Variants in AKAP6 observed in about 807,000 individuals in gnomAD.
AKAP6 encodes A-kinase anchoring protein 6.
In AKAP6, 58 loss-of-function variants were observed where a neutral mutation model predicts 188.5. The observed-to-expected ratio is 0.31, with a 90% CI of 0.25 to 0.38. The LOEUF (loss-of-function observed/expected upper bound fraction) is 0.38, where lower values mean the gene tolerates loss of function less well. AKAP6 is among the 10% of genes least tolerant of loss of function. The probability of loss-of-function intolerance (pLI) is 1.00; values close to 1 mark genes in which losing one functional copy is unlikely to be tolerated. For missense variants in AKAP6, 2,710 were observed against 2,740.0 expected (o/e 0.99, Z 0.24); for synonymous variants, 989 against 998.6 (o/e 0.99, Z 0.18).
chr14:32,428,177 T>C (rs1314414807), intron 1 of AKAP6, among the ~76,000 whole-genome samples: 1 of 152,122 alleles, frequency 6.6e-6, no homozygotes. Context: ...TTTTTGAGAG[T>C]AAAGTCTTGA....
At chr14:32,817,816 G>T (rs2034425744) in intron 12 of AKAP6, among the ~76,000 whole-genome samples, 1 of 152,106 alleles carries the variant, frequency 6.6e-6, no homozygotes, top group Non-Finnish European at 1.5e-5. Flanking sequence ...CGTTTGATTA[G>T]CTTGAGCATT....
At chr14:32,334,670 G>T (rs1886633609) in intron 1 of AKAP6, among the ~76,000 whole-genome samples, 1 of 152,182 alleles carries the variant, frequency 6.6e-6, no homozygotes. Context: ...TGGGGGTCTT[G>T]GAACATATTC....
At chr14:32,373,097 TG>T (rs951179543) in intron 1 of AKAP6, among the ~76,000 whole-genome samples, 6 of 147,486 alleles carry the variant, frequency 4.1e-5, no homozygotes, top group East Asian at 2.1e-4. Context: ...ATGGCTTTTT[TG>T]GGGGGGTGGG....
At chr14:32,403,043 T>A (rs1889152653) in intron 1 of AKAP6, 1 of 152,234 alleles carries the variant, frequency 6.6e-6, no homozygotes, top group African/African-American at 2.4e-5. Context: ...GTTGGTTGAT[T>A]TTTTATTCCT....
rs1566546840 is a variant in AKAP6, at chr14:32,510,451, CATATATATGTGTATATATATATAT to C, written c.325-25101_325-25078del. 4.6e-3 allele frequency among the ~76,000 whole-genome samples: 164 copies of C among 35,792 alleles called. 5 individuals are homozygous for C. Among genetic ancestry groups the C allele is most frequent in the African/African-American group, 0.016 (151 of 9,264 alleles). The allele number at this position is 35,792 out of a possible 152,430, so 23.5% of individuals were successfully genotyped here. A position where few individuals can be genotyped will look rare whatever the true frequency, so the allele number is the denominator to read the frequency against. ...ATATATATATGTGTATATATATATA[CATATATATGTGTATATATATATAT>C]ACATATATATATGTGTATATATATA... On this transcript the variant is annotated intron_variant, in intron 2 of 13. Coordinates refer to ENST00000280979, the MANE Select transcript of AKAP6 (RefSeq NM_004274.5).
chr14:32,616,143 C>G (rs181136877), intron 7 of AKAP6, among the ~76,000 whole-genome samples: 1 of 152,134 alleles, frequency 6.6e-6, no homozygotes, highest in Non-Finnish European at 1.5e-5. Context: ...AATACTTATA[C>G]AGTGTTGGTG....
intron 11 of AKAP6, among the ~76,000 whole-genome samples, chr14:32,752,233 C>T (rs1034762620): frequency 3.3e-5 from 5 of 152,138 alleles, no homozygotes; most frequent in African/African-American, 1.2e-4. Flanking sequence ...GATATTGAAG[C>T]ATAGGGTAAA....
intron 7 of AKAP6, among the ~76,000 whole-genome samples, chr14:32,620,335 T>G (rs1406504270): frequency 1.3e-5 from 2 of 152,186 alleles, no homozygotes; most frequent in African/African-American, 2.4e-5. Flanking sequence ...CTGCGACATG[T>G]TCCTTCTATG....
intron 1 of AKAP6, among the ~76,000 whole-genome samples, chr14:32,397,377 CT>C (rs60314050): frequency 0.011 from 1,418 of 130,288 alleles, 10 homozygotes; most frequent in African/African-American, 0.029. Context: ...TTTTTATTGT[CT>C]TTTTTTTTTT....
rs11417769 is a variant in AKAP6 at position 32,834,533 on chromosome 14, C to CTTTTTTTTTTT, written c.*4739_*4749dup. On this transcript the variant is annotated 3_prime_UTR_variant, in exon 14 of 14. Transcript: ENST00000280979. ...CACACACTGCTTTTAGTTTCCAAGT[C>CTTTTTTTTTTT]TTTTTTTTTTTTTTTTTTTTTAAAT... 9.6e-6 allele frequency: 1 copy of CTTTTTTTTTTT among 103,874 alleles called. No individual in the cohort carries two copies. Among genetic ancestry groups the CTTTTTTTTTTT allele is most frequent in the Non-Finnish European group, 1.8e-5 (1 of 54,306 alleles). The allele number at this position is 103,874 out of a possible 1,614,324, so 6.4% of individuals were successfully genotyped here.
intron 2 of AKAP6, among the ~76,000 whole-genome samples, chr14:32,434,721 G>A (rs1039253788): frequency 6.6e-6 from 1 of 152,184 alleles, no homozygotes; most frequent in Non-Finnish European, 1.5e-5. Context: ...ACACTTAAAT[G>A]GTTTACAGGA....
chr14:32,796,194 C>T (rs556992624), intron 12 of AKAP6, among the ~76,000 whole-genome samples: 54 of 152,220 alleles, frequency 3.5e-4, no homozygotes, highest in Middle Eastern at 6.8e-3. Flanking sequence ...ATGAAAATGG[C>T]CATACTGCCC....
chr14:32,650,316 C>A (rs1219029454), intron 7 of AKAP6, among the ~76,000 whole-genome samples: 1 of 152,128 alleles, frequency 6.6e-6, no homozygotes, highest in East Asian at 1.9e-4. Context: ...ATTCTGACTT[C>A]TAGATGCTAA....
At chr14:32,802,963 T>G (rs2033989649) in intron 12 of AKAP6, among the ~76,000 whole-genome samples, 1 of 150,728 alleles carries the variant, frequency 6.6e-6, no homozygotes, top group Non-Finnish European at 1.5e-5. Flanking sequence ...CCAGGCGTGG[T>G]TGTGTATGCC....
At chr14:32,695,755 G>A (rs1283348578) in intron 8 of AKAP6, among the ~76,000 whole-genome samples, 1 of 152,102 alleles carries the variant, frequency 6.6e-6, no homozygotes, top group African/African-American at 2.4e-5. Flanking sequence ...TAGCCATAAC[G>A]TGTCTCAGGT....
chr14:32,372,483 A>G (rs537788136), intron 1 of AKAP6, among the ~76,000 whole-genome samples: 1 of 152,266 alleles, frequency 6.6e-6, no homozygotes, highest in South Asian at 2.1e-4. Context: ...TCAAATGGCC[A>G]TAACAATGAA....
intron 12 of AKAP6, among the ~76,000 whole-genome samples, chr14:32,786,724 T>G (rs1436760930): frequency 2.0e-5 from 3 of 152,160 alleles, no homozygotes. Flanking sequence ...ATCACTGTTT[T>G]CTGAGTTCAG....
At chr14:32,732,777 T>C (rs2031241216) in intron 10 of AKAP6, 177 bp downstream of exon 10, 1 of 370,680 alleles carries the variant, frequency 2.7e-6, no homozygotes, top group African/African-American at 3.3e-5. Context: ...CTTCTGTTGA[T>C]TTTTTTTTTT....
chr14:32,685,178 T>A (rs2139660973), intron 8 of AKAP6, among the ~76,000 whole-genome samples: 1 of 151,894 alleles, frequency 6.6e-6, no homozygotes, highest in East Asian at 2.0e-4. Context: ...GCAGGAGGAT[T>A]GCTTGAGCCC....
Sources: allele counts gnomAD v4.1 joint callset (sites outside exome capture counted in the v4.1 genomes callset), GRCh38; gene constraint gnomAD v4.1.1; transcripts MANE v1.5; gene names NCBI Gene and HGNC (gene_info 2026-07-23, HGNC 2026-07-21).